DNM3: variants seen among roughly 807,000 people sequenced by gnomAD.
The protein encoded by DNM3 is dynamin 3, also known as dynamin-3.
In DNM3, 47 loss-of-function variants were observed where a neutral mutation model predicts 101.6. The ratio of observed to expected loss-of-function variants is 0.46; its 90% CI spans 0.37 to 0.59. DNM3 has a LOEUF of 0.59. Ranked by LOEUF, DNM3 falls within the 20% of genes least tolerant of loss-of-function variation. The pLI, the probability that DNM3 is intolerant of heterozygous loss-of-function variation, is 0.00. For synonymous variants in DNM3, 385 were observed against 387.9 expected, an observed-to-expected ratio of 0.99 and a Z score of 0.09; for missense variants, 849 against 1,085.7, an observed-to-expected ratio of 0.78 and a Z score of 3.06.
intron 13 of DNM3, among the ~76,000 whole-genome samples, chr1:172,115,669 C>T (rs1346444515): frequency 6.6e-6 from 1 of 152,166 alleles, no homozygotes; most frequent in Non-Finnish European, 1.5e-5. Flanking sequence ...TTCCCTCTTC[C>T]CGGAATTCAT....
intron 2 of DNM3, among the ~76,000 whole-genome samples, chr1:171,971,008 A>G (rs1416630675): frequency 6.6e-6 from 1 of 152,094 alleles, no homozygotes. Context: ...TATACTTAGT[A>G]TGAAATGGGC....
chr1:171,881,221 AATTACC>A (rs751724465), intron 1 of DNM3, among the ~76,000 whole-genome samples: 64 of 152,170 alleles, frequency 4.2e-4, no homozygotes, highest in Non-Finnish European at 8.1e-4. Flanking sequence ...ATCAACCACA[AATTACC>A]ATTCATAGAT....
chr1:172,181,821 G>A (rs199670516), intron 14 of DNM3, among the ~76,000 whole-genome samples: 1 of 92,356 alleles, frequency 1.1e-5, no homozygotes, highest in African/African-American at 3.7e-5. Flanking sequence ...TTTTTTTTTT[G>A]AAAATAAACT....
chr1:171,929,283 A>G (rs2040818957), intron 2 of DNM3, among the ~76,000 whole-genome samples: 1 of 151,840 alleles, frequency 6.6e-6, no homozygotes, highest in Non-Finnish European at 1.5e-5. Context: ...AGAGAACACC[A>G]GTGGGGATAG....
chr1:172,149,131 G>A (rs181256766), intron 14 of DNM3, among the ~76,000 whole-genome samples: 9 of 152,204 alleles, frequency 5.9e-5, no homozygotes, highest in Admixed American at 3.3e-4. Flanking sequence ...ATTTTAAAAC[G>A]TACATTTACG....
At chr1:172,375,563 T>A in intron 17 of DNM3, among the ~76,000 whole-genome samples, 1 of 151,882 alleles carries the variant, frequency 6.6e-6, no homozygotes, top group Non-Finnish European at 1.5e-5. Flanking sequence ...AATAAGTCTA[T>A]GACATGATTA....
chr1:172,095,150 C>T (rs1261551417), intron 13 of DNM3, among the ~76,000 whole-genome samples: 1 of 152,100 alleles, frequency 6.6e-6, no homozygotes, highest in Non-Finnish European at 1.5e-5. Context: ...ACTTCTGGGG[C>T]CAGACATGCC....
chr1:172,078,018 CTCT>C (rs2052808620), intron 11 of DNM3, among the ~76,000 whole-genome samples: 1 of 152,066 alleles, frequency 6.6e-6, no homozygotes, highest in Non-Finnish European at 1.5e-5. Flanking sequence ...GGATAGTTAG[CTCT>C]TCTTGTTGCA....
At chr1:172,073,150 AT>A (rs1363940231) in intron 11 of DNM3, among the ~76,000 whole-genome samples, 7 of 152,108 alleles carry the variant, frequency 4.6e-5, no homozygotes, top group Non-Finnish European at 8.8e-5. Context: ...CTATATAGAT[AT>A]ACACACACAT....
At chr1:172,353,104 A>G (rs12140433) in intron 17 of DNM3, among the ~76,000 whole-genome samples, 11,587 of 152,112 alleles carry the variant, frequency 0.076, 505 homozygotes, top group South Asian at 0.15. Flanking sequence ...AGCCATATCC[A>G]CAGGCCACAG....
Position 172,354,205 on chromosome 1 carries a change from A to G in DNM3, c.1894-24813A>G, listed in dbSNP as rs547964273. ...AAAGGCCAAGGACAAAATGTTGTAG[A>G]AAAAACCGGGTTCTTGAGTTCTTGT... On this transcript the variant is annotated intron_variant, in intron 17 of 20. Transcript: ENST00000627582. Among the ~76,000 whole-genome samples, 4 of 152,066 alleles carry G rather than the reference A, an allele frequency of 2.6e-5. No individual in the cohort carries two copies. In the East Asian group the frequency reaches 7.7e-4, roughly 29 times the overall value.
chr1:172,181,808 T>G (rs1219617306), intron 14 of DNM3, among the ~76,000 whole-genome samples: 11 of 151,950 alleles, frequency 7.2e-5, no homozygotes, highest in Non-Finnish European at 1.2e-4. Flanking sequence ...ACAGGGTTTT[T>G]TTTTTTTTTT....
intron 1 of DNM3, among the ~76,000 whole-genome samples, chr1:171,846,593 TA>T (rs1311503836): frequency 6.6e-6 from 1 of 152,232 alleles, no homozygotes; most frequent in African/African-American, 2.4e-5. Context: ...TATTGTCATT[TA>T]TTTTAGAGGG....
At chr1:171,889,821 G>C (rs1362053122) in intron 1 of DNM3, among the ~76,000 whole-genome samples, 2 of 152,208 alleles carry the variant, frequency 1.3e-5, no homozygotes, top group African/African-American at 4.8e-5. Context: ...GAGACCGACT[G>C]AACAGTCATC....
chr1:171,995,928 C>A (rs1441354126), intron 4 of DNM3, among the ~76,000 whole-genome samples: 1 of 152,042 alleles, frequency 6.6e-6, no homozygotes, highest in African/African-American at 2.4e-5. Flanking sequence ...ATCTTTTTGA[C>A]AATAGACAGG....
At position 172,038,386 on chromosome 1, in the gene DNM3, C is replaced by G. The variant is rs2049120678; in HGVS notation, c.917C>G (p.Ser306Cys). The part of the protein sequence containing the change: ...FRNKLQGQLL[S>C]IEHEVEAYKN... ...AACAAACTACAGGGACAGTTGCTCT[C>G]CATAGAACATGAAGTAGAAGCCTAC... Residue 306 changes from serine (S) to cysteine (C), a missense_variant, in exon 7 of 21, where the codon TCC becomes TGC. By Grantham distance (112) the Ser-to-Cys change is moderately radical. This residue lies in a region of DNM3 where 388 missense variants were observed against 483.0 expected (regional missense o/e 0.80). Coordinates refer to ENST00000627582, the MANE Select transcript of DNM3 (RefSeq NM_015569.5). 5 of 1,613,350 alleles carry G rather than the reference C, an allele frequency of 3.1e-6. No individual in the cohort carries two copies. The highest frequency in any genetic ancestry group is 1.7e-6 in the Non-Finnish European group (2 of 1,179,598).
intron 13 of DNM3, among the ~76,000 whole-genome samples, chr1:172,118,006 T>C (rs1422873308): frequency 6.6e-6 from 1 of 152,192 alleles, no homozygotes; most frequent in Non-Finnish European, 1.5e-5. Flanking sequence ...CAGGAAAGTA[T>C]GTTTGTGGTT....
At chr1:172,100,139 G>A (rs1338627344) in intron 13 of DNM3, among the ~76,000 whole-genome samples, 2 of 152,136 alleles carry the variant, frequency 1.3e-5, no homozygotes, top group South Asian at 2.1e-4. Flanking sequence ...TATCAGTTTT[G>A]TTTGCCATCC....
intron 15 of DNM3, among the ~76,000 whole-genome samples, chr1:172,274,739 T>A (rs67673808): frequency 0.018 from 2,734 of 148,448 alleles, 67 homozygotes; most frequent in African/African-American, 0.055. Flanking sequence ...TTTTTTTTTT[T>A]AATTTTCAAT....
Sources: gnomAD v4.1 joint callset for allele counts (sites outside exome capture counted in the v4.1 genomes callset) on GRCh38, gnomAD v4.1.1 for gene constraint, gnomAD v4.1.1 regional missense constraint, MANE v1.5 for transcripts, NCBI Gene and HGNC (gene_info 2026-07-23, HGNC 2026-07-21) for gene names.